The following TMC8 variants were observed in gnomAD, a reference collection of about 807,000 sequenced individuals.
TMC8 encodes transmembrane channel like 8.
TMC8 carries 71 observed loss-of-function variants against 76.0 expected under a neutral mutation model. The ratio of observed to expected loss-of-function variants is 0.93; its 90% CI spans 0.77 to 1.14. TMC8 has a LOEUF of 1.14. Among genes scored for constraint, TMC8 ranks in the 50% most tolerant of loss-of-function variants. TMC8 has a pLI of 0.00. For missense variants in TMC8, 924 were observed against 947.9 expected, an observed-to-expected ratio of 0.97 and a Z score of 0.33; for synonymous variants, 433 against 433.8, an observed-to-expected ratio of 1.00 and a Z score of 0.02.
rs1274727101 is a variant in TMC8, at chr17:78,138,667, T to C, written c.1758T>C (p.Ile586=). The C allele has an allele frequency of 9.3e-6, 15 of 1,613,544 alleles. No individual in the cohort carries two copies. Among genetic ancestry groups the C allele is most frequent in the Non-Finnish European group, 1.3e-5 (15 of 1,180,032 alleles). ...TGGTGGCCCTTGGGCTCCCGCCCAT[T>C]GGCCAGCGTGCCCTCCACTACCTGG... ...PELVALGLPP[I]GQRALHYLGS... Residue 586 remains isoleucine, a synonymous_variant, in exon 14 of 16, where the codon ATT becomes ATC. Coordinates refer to ENST00000318430, the MANE Select transcript of TMC8 (RefSeq NM_152468.5).
Position 78,133,296 on chromosome 17 carries a change from C to T in TMC8, c.532-110C>T, listed in dbSNP as rs944542799. The T allele has an allele frequency of 9.6e-6, 15 of 1,561,454 alleles. No individual in the cohort carries two copies. In the African/African-American group the frequency reaches 2.0e-4, roughly 21 times the overall value. On this transcript the variant is annotated intron_variant, in intron 5 of 15. Coordinates refer to ENST00000318430, the MANE Select transcript of TMC8 (RefSeq NM_152468.5). ...CTGTGGGCCCTTGTAAGACGGGACA[C>T]TCCCTACCTGATGGGGGGATTGCAC...
chr17:78,131,948 G>A lies in TMC8; in HGVS notation c.216G>A (p.Thr72=), dbSNP rs1479070455. The change falls in exon 3 of 16, where the codon ACG becomes ACA. Residue 72 remains threonine, a synonymous_variant. Coordinates refer to ENST00000318430, the MANE Select transcript of TMC8 (RefSeq NM_152468.5). ...RWQRWQRRRQ[T]VERRLREAAQ... is the part of the protein sequence containing the mutation. Reference sequence around the variant, plus strand: ...AGCGGTGGCAGCGCCGGCGGCAGACGGTGGAAAGGCGCCTGCGGGAGGCAG... The same window carrying A: ...AGCGGTGGCAGCGCCGGCGGCAGACAGTGGAAAGGCGCCTGCGGGAGGCAG... The A allele has an allele frequency of 4.0e-6, 6 of 1,511,974 alleles. No individual in the cohort carries two copies. Among genetic ancestry groups the A allele is most frequent in the Non-Finnish European group, 5.3e-6 (6 of 1,135,752 alleles). 93.7% of individuals were successfully genotyped at this position (1,511,974 alleles called of 1,614,324 possible). A position where few individuals can be genotyped will look rare whatever the true frequency, so the allele number is the denominator to read the frequency against.
intron 7 of TMC8, 74 bp from the exon 8 acceptor site, chr17:78,134,292 TGAGCGTGAATGGTTGTGACTGTGTGTGA>T (rs2075153488): frequency 7.3e-7 from 1 of 1,365,852 alleles, no homozygotes. Flanking sequence ...ACTGTGTATG[TGAGCGTGAATGGTTGTGACTGTGTGTGA>T]GAGCGTTTCC....
In TMC8 at chr17:78,133,933, G is replaced by T. The variant is rs747099801; in HGVS notation, c.749G>T (p.Trp250Leu). Residue 250 changes from tryptophan (W) to leucine (L), a missense_variant, in exon 7 of 16, where the codon TGG becomes TTG. Transcript: ENST00000318430. Reference sequence around the variant, plus strand: ...CTCAGCGCCAAGGTCTTCTCCTCATGGGACTTCTGCATCCGGGTGCAGGAA... The same window carrying T: ...CTCAGCGCCAAGGTCTTCTCCTCATTGGACTTCTGCATCCGGGTGCAGGAA... Reference protein sequence around the residue: ...APLSAKVFSSWDFCIRVQEAA... With the variant: ...APLSAKVFSSLDFCIRVQEAA... The T allele has an allele frequency of 9.3e-6, 15 of 1,613,716 alleles. No homozygotes were observed. Among genetic ancestry groups the T allele is most frequent in the Middle Eastern group, 1.6e-4 (1 of 6,062 alleles).
chr17:78,135,468 C>T (rs1039941851), intron 9 of TMC8, among the ~76,000 whole-genome samples: 1 of 152,176 alleles, frequency 6.6e-6, no homozygotes, highest in African/African-American at 2.4e-5. Context: ...TCAAGCTCAT[C>T]GTGCCTGCCA....
Position 78,131,982 on chromosome 17 carries a change from C to G in TMC8, c.250C>G (p.Leu84Val), listed in dbSNP as rs968762906. ...GCGCCTGCGGGAGGCAGCGCAGCGG[C>G]TGGCCCGGGGCCTTGGGCTCTGGGA... ...ERRLREAAQR[L>V]ARGLGLWEGA... is the part of the protein sequence containing the mutation. Residue 84 changes from leucine to valine, a missense_variant, in exon 3 of 16, where the codon CTG becomes GTG. By Grantham distance (32) the Leu-to-Val change is conservative. Coordinates refer to ENST00000318430, the MANE Select transcript of TMC8 (RefSeq NM_152468.5). The G allele has an allele frequency of 4.7e-5, 72 of 1,522,664 alleles. No individual in the cohort carries two copies. In the African/African-American group the frequency reaches 8.9e-4, roughly 19 times the overall value. 94.3% of individuals were successfully genotyped at this position (1,522,664 alleles called of 1,614,324 possible).
chr17:78,138,558 G>A lies in TMC8; in HGVS notation c.1665-16G>A, dbSNP rs1443922644. On this transcript the variant is annotated splice_polypyrimidine_tract_variant and intron_variant, in intron 13 of 15. Transcript: ENST00000318430. ...CAGGACCCTGATGCCAGCCCCACTT[G>A]GCCATCTCTCGCCAGCATCCACTCC... 1 of 1,613,628 alleles carries A rather than the reference G, an allele frequency of 6.2e-7. No homozygotes were observed. The highest frequency in any genetic ancestry group is 8.5e-7 in the Non-Finnish European group (1 of 1,180,036).
chr17:78,142,096 G>C lies in TMC8; in HGVS notation c.*984G>C, dbSNP rs558356054. 1 of 152,470 alleles carries C rather than the reference G, an allele frequency of 6.6e-6. No individual in the cohort carries two copies. The allele number at this position is 152,470 out of a possible 1,614,324, so 9.4% of individuals were successfully genotyped here. On this transcript the variant is annotated 3_prime_UTR_variant, in exon 16 of 16. Transcript: ENST00000318430. ...GTGTCTGATATTCTTGAGCCTGTTCGAGTTTCCTTTTCCAAGCCTCCTGTT... is the reference window on the plus strand; with the variant it reads ...GTGTCTGATATTCTTGAGCCTGTTCCAGTTTCCTTTTCCAAGCCTCCTGTT...
Position 78,134,488 on chromosome 17 carries a change from T to C in TMC8, c.911T>C (p.Val304Ala). The change falls in exon 8 of 16, where the codon GTA becomes GCA. Residue 304 changes from valine (V) to alanine (A), a missense_variant. Transcript: ENST00000318430. ...CRLLSYLRVNVLNGLLVVGAI... is the reference protein window; with the variant it reads ...CRLLSYLRVNALNGLLVVGAI... ...CTGCTCTCCTACCTGCGGGTCAACGTACTCAACGGGCTCCTGGTGGTTGGG... is the reference window on the plus strand; with the variant it reads ...CTGCTCTCCTACCTGCGGGTCAACGCACTCAACGGGCTCCTGGTGGTTGGG... 1.2e-6 allele frequency: 2 copies of C among 1,614,068 alleles called. No homozygotes were observed. The highest frequency in any genetic ancestry group is 1.7e-6 in the Non-Finnish European group (2 of 1,180,038).
intron 9 of TMC8, among the ~76,000 whole-genome samples, chr17:78,135,534 G>A (rs562107902): frequency 3.3e-5 from 5 of 152,208 alleles, no homozygotes; most frequent in South Asian, 2.1e-4. Context: ...TCCTCCCGCC[G>A]GAGCAGCTGG....
chr17:78,133,912 G>A lies in TMC8; in HGVS notation c.728G>A (p.Ser243Asn). The change falls in exon 7 of 16, where the codon AGC becomes AAC. Residue 243 changes from serine to asparagine, a missense_variant. Transcript: ENST00000318430. Reference sequence around the variant, plus strand: ...GGTCAGGGCTATCAGGCGCCTCTCAGCGCCAAGGTCTTCTCCTCATGGGAC... The same window carrying A: ...GGTCAGGGCTATCAGGCGCCTCTCAACGCCAAGGTCTTCTCCTCATGGGAC... ...LLGQGYQAPL[S>N]AKVFSSWDFC... 1.9e-6 allele frequency: 3 copies of A among 1,613,610 alleles called. No individual in the cohort carries two copies. Among genetic ancestry groups the A allele is most frequent in the Non-Finnish European group, 1.7e-6 (2 of 1,180,048 alleles).
At chr17:78,140,734 C>T (rs564432738) in intron 15 of TMC8, 100 bp from the exon 16 acceptor site, 1 of 1,486,242 alleles carries the variant, frequency 6.7e-7, no homozygotes, top group Non-Finnish European at 9.2e-7. Flanking sequence ...ACTTTGGGTG[C>T]GGGCTGGCCC....
In TMC8 at chr17:78,131,986, C is replaced by A. The variant is rs1052765172; in HGVS notation, c.254C>A (p.Ala85Asp). ...RRLREAAQRL[A>D]RGLGLWEGAL... ...CTGCGGGAGGCAGCGCAGCGGCTGGCCCGGGGCCTTGGGCTCTGGGAGGGG... is the reference window on the plus strand; with the variant it reads ...CTGCGGGAGGCAGCGCAGCGGCTGGACCGGGGCCTTGGGCTCTGGGAGGGG... The change falls in exon 3 of 16, where the codon GCC becomes GAC. Residue 85 changes from alanine to aspartate, a missense_variant. Physicochemically the swap from Ala to Asp is moderately radical, Grantham distance 126. Coordinates refer to ENST00000318430, the MANE Select transcript of TMC8 (RefSeq NM_152468.5). 4.6e-6 allele frequency: 7 copies of A among 1,526,788 alleles called. No individual in the cohort carries two copies. The highest frequency in any genetic ancestry group is 6.1e-6 in the Non-Finnish European group (7 of 1,142,924). The allele number at this position is 1,526,788 out of a possible 1,614,324, so 94.6% of individuals were successfully genotyped here. A position where few individuals can be genotyped will look rare whatever the true frequency, so the allele number is the denominator to read the frequency against.
At position 78,139,211 on chromosome 17, in the gene TMC8, A is replaced by G; in HGVS notation, c.1873A>G (p.Ile625Val). 1.2e-6 allele frequency: 2 copies of G among 1,613,688 alleles called. No individual in the cohort carries two copies. Among genetic ancestry groups the G allele is most frequent in the Non-Finnish European group, 1.7e-6 (2 of 1,180,042 alleles). ...CCAGACCCAGGCCAATGCCAGGGCCATCCACAGGCTCCGGAAGCAGCTGGT... is the reference window on the plus strand; with the variant it reads ...CCAGACCCAGGCCAATGCCAGGGCCGTCCACAGGCTCCGGAAGCAGCTGGT... ...VSQTQANARA[I>V]HRLRKQLVWQ... The change falls in exon 15 of 16, where the codon ATC becomes GTC. Residue 625 changes from isoleucine to valine, a missense_variant. By Grantham distance (29) the Ile-to-Val change is conservative. Transcript: ENST00000318430.
chr17:78,137,233 A>AG lies in TMC8; in HGVS notation c.1128dup. The AG allele has an allele frequency of 6.2e-7, 1 of 1,613,406 alleles. No homozygotes were observed. On this transcript the variant is annotated splice_acceptor_variant, in intron 9 of 15. Coordinates refer to ENST00000318430, the MANE Select transcript of TMC8 (RefSeq NM_152468.5). LOFTEE classifies it high-confidence loss of function. ...TCCACCTGACAAGGTCCCTGCCCCC[A>AG]GGTGCGTGGTGCTGAAGCTGGCCAG... is the stretch of plus-strand genomic sequence containing the variant.
chr17:78,131,675 G>T lies in TMC8; in HGVS notation c.87G>T (p.Leu29=). 6.4e-7 allele frequency: 1 copy of T among 1,572,556 alleles called. No homozygotes were observed. Among genetic ancestry groups the T allele is most frequent in the Non-Finnish European group, 8.6e-7 (1 of 1,160,468 alleles). The change falls in exon 2 of 16, where the codon CTG becomes CTT. Residue 29 remains leucine (L), a synonymous_variant. Transcript: ENST00000318430. ...EELWEAEMER[L]RGSGTPVRGL... ...TGTGGGAGGCAGAGATGGAGCGGCT[G>T]CGCGGCTCTGGGACGCCCGTGCGCG...
chr17:78,139,510 G>A (rs757674364), intron 15 of TMC8, among the ~76,000 whole-genome samples: 4 of 152,142 alleles, frequency 2.6e-5, no homozygotes, highest in Non-Finnish European at 4.4e-5. Context: ...CAGGAGGATC[G>A]GATCACTTGA....
rs2075154032 is a variant in TMC8 at position 78,134,297 on chromosome 17, G to A, written c.817-97G>A. Reference sequence around the variant, plus strand: ...AGAGTTTGTGACTGTGTATGTGAGCGTGAATGGTTGTGACTGTGTGTGAGA... The same window carrying A: ...AGAGTTTGTGACTGTGTATGTGAGCATGAATGGTTGTGACTGTGTGTGAGA... On this transcript the variant is annotated intron_variant, in intron 7 of 15. Coordinates refer to ENST00000318430, the MANE Select transcript of TMC8 (RefSeq NM_152468.5). 1.1e-5 allele frequency: 15 copies of A among 1,400,572 alleles called. 1 individual carries two copies. Among genetic ancestry groups the A allele is most frequent in the South Asian group, 2.4e-5 (2 of 85,026 alleles). The allele number at this position is 1,400,572 out of a possible 1,614,324, so 86.8% of individuals were successfully genotyped here.
At chr17:78,137,577 C>A in intron 10 of TMC8, 140 bp from the exon 11 acceptor site, 1 of 1,117,852 alleles carries the variant, frequency 8.9e-7, no homozygotes. Context: ...ATCCCATCCT[C>A]AAGGCCTGGG....
Sources: gnomAD v4.1 joint callset for allele counts (sites outside exome capture counted in the v4.1 genomes callset) on GRCh38, gnomAD v4.1.1 for gene constraint, MANE v1.5 for transcripts, NCBI Gene and HGNC (gene_info 2026-07-23, HGNC 2026-07-21) for gene names.